The following BBS2 variants were observed in gnomAD, a reference collection of about 807,000 sequenced individuals.
The protein encoded by BBS2 is BBSome complex member BBS2.
BBS2 carries 62 observed loss-of-function variants against 83.0 expected under a neutral mutation model. The observed-to-expected ratio is 0.75, with a 90% CI of 0.61 to 0.92. The LOEUF is 0.92. Ranked by LOEUF, BBS2 falls within the 40% of genes least tolerant of loss-of-function variation. The pLI is 0.00. For missense variants in BBS2, 784 were observed against 901.0 expected (o/e 0.87, Z 1.66); for synonymous variants, 303 against 326.1 (o/e 0.93, Z 0.76).
intron 7 of BBS2, 21 bp from the exon 8 acceptor site, chr16:56,502,829 T>A (rs1376116547): frequency 1.2e-6 from 2 of 1,613,916 alleles, no homozygotes. Context: ...AACACAAATT[T>A]AAAAGTTGCT....
At chr16:56,476,085 C>T in intron 17 of BBS2, 4 of 1,613,822 alleles carry the variant, frequency 2.5e-6, no homozygotes, top group Non-Finnish European at 3.4e-6. Context: ...TGGCATTGGT[C>T]TACAGAGACA....
Position 56,474,810 on chromosome 16 carries a change from CT to C in BBS2, c.*1-4116del, listed in dbSNP as rs746791513. 19,387 of 1,113,974 alleles carry C rather than the reference CT, an allele frequency of 0.017. 13 individuals are homozygous for C. Among genetic ancestry groups the C allele is most frequent in the African/African-American group, 0.034 (2,117 of 62,032 alleles). The allele number at this position is 1,113,974 out of a possible 1,614,324, so 69.0% of individuals were successfully genotyped here. A position where few individuals can be genotyped will look rare whatever the true frequency, so the allele number is the denominator to read the frequency against. ...AAGGTTATTTTTTAAAGTTTCTCAT[CT>C]TTTTTTTTTTCCTTAGAATCAAGTG... On this transcript the variant is annotated intron_variant, in intron 17 of 17. Transcript: ENST00000682047.
downstream of BBS2, among the ~76,000 whole-genome samples, chr16:56,480,366 C>CAAAAAAAAAAAAAAAAAAAAA (rs1157907841): frequency 5.5e-5 from 5 of 90,258 alleles, no homozygotes; most frequent in African/African-American, 8.5e-5. Context: ...AAAAAAAAAA[C>CAAAAAAAAAAAAAAAAAAAAA]AAAAAAAAAA....
At chr16:56,505,457 G>C (rs1190827248) in intron 7 of BBS2, among the ~76,000 whole-genome samples, 1 of 152,184 alleles carries the variant, frequency 6.6e-6, no homozygotes, top group Non-Finnish European at 1.5e-5. Flanking sequence ...ATCCTGACTT[G>C]CCAAAAGACT....
chr16:56,494,778 C>T (rs959199286), intron 15 of BBS2, among the ~76,000 whole-genome samples: 1 of 151,886 alleles, frequency 6.6e-6, no homozygotes, highest in Non-Finnish European at 1.5e-5. Context: ...CTGGCTAACA[C>T]GGTGAAACCC....
intron 17 of BBS2, among the ~76,000 whole-genome samples, chr16:56,471,091 C>A (rs1456965211): frequency 6.6e-6 from 1 of 151,930 alleles, no homozygotes; most frequent in Non-Finnish European, 1.5e-5. Context: ...GTGGCTTACA[C>A]CTATAATCCC....
At chr16:56,475,048 C>A in intron 17 of BBS2, 1 of 1,308,070 alleles carries the variant, frequency 7.6e-7, no homozygotes, top group Non-Finnish European at 1.1e-6. Flanking sequence ...AAGTAATTTG[C>A]CTAGTTCAGA....
intron 1 of BBS2, among the ~76,000 whole-genome samples, chr16:56,515,845 C>G (rs958576197): frequency 6.6e-6 from 1 of 152,110 alleles, no homozygotes; most frequent in Non-Finnish European, 1.5e-5. Flanking sequence ...CATATGAGGT[C>G]GGAAGAGTTA....
rs1319914163 is a variant in BBS2 at position 56,502,741 on chromosome 16, C to T, written c.872G>A (p.Gly291Asp). ...FKDNFSSAIA[G>D]VVEGDYRMDG... ...CATCCGGTAATCTCCCTCTACCACA[C>T]CGGCAATTGCAGAAGAAAAATTGTC... Residue 291 changes from glycine (G) to aspartate (D), a missense_variant, in exon 8 of 17, where the codon GGT becomes GAT. Coordinates refer to ENST00000245157, the MANE Select transcript of BBS2 (RefSeq NM_031885.5). 1 of 1,614,206 alleles carries T rather than the reference C, an allele frequency of 6.2e-7. No individual in the cohort carries two copies.
chr16:56,502,694 A>C lies in BBS2; in HGVS notation c.919T>G (p.Cys307Gly), dbSNP rs1248832164. Residue 307 changes from cysteine to glycine, a missense_variant, in exon 8 of 17, where the codon TGC becomes GGC. Transcript: ENST00000245157. ...YRMDGHIQLI[C>G]CSVDGEIRGY... ...TTACTTTCCCCATCCACTGAGCAGC[A>C]GATTAACTGTATGTGGCCATCCATC... The C allele has an allele frequency of 6.2e-7, 1 of 1,614,082 alleles. No homozygotes were observed. The highest frequency in any genetic ancestry group is 8.5e-7 in the Non-Finnish European group (1 of 1,180,034).
intron 15 of BBS2, among the ~76,000 whole-genome samples, chr16:56,492,863 T>C (rs373930653): frequency 3.9e-5 from 6 of 152,272 alleles, no homozygotes; most frequent in East Asian, 3.9e-4. Context: ...ACTGCAGTAA[T>C]CCCATTTGTT....
chr16:56,475,671 ATC>A (rs1378574028), intron 17 of BBS2: 1 of 886,892 alleles, frequency 1.1e-6, no homozygotes, highest in African/African-American at 1.7e-5. Flanking sequence ...TAGCTAATAA[ATC>A]TCTGCCAGGC....
At position 56,500,020 on chromosome 16, in the gene BBS2, T is replaced by C. The variant is rs1964219289; in HGVS notation, c.1398-113A>G. 12 of 1,348,154 alleles carry C rather than the reference T, an allele frequency of 8.9e-6. No individual in the cohort carries two copies. In the South Asian group the frequency reaches 1.4e-4, roughly 16 times the overall value. 83.5% of individuals were successfully genotyped at this position (1,348,154 alleles called of 1,614,324 possible). On this transcript the variant is annotated intron_variant, in intron 11 of 16. Coordinates refer to ENST00000245157, the MANE Select transcript of BBS2 (RefSeq NM_031885.5). ...GGTCATCAATTGATATTTAAGGGTT[T>C]CACTTAAGAAGGAACCCCCAAAACA... is the stretch of plus-strand genomic sequence containing the variant.
At position 56,511,291 on chromosome 16, in the gene BBS2, A is replaced by C. The variant is rs1964570089; in HGVS notation, c.346-7T>G. 1 of 1,613,878 alleles carries C rather than the reference A, an allele frequency of 6.2e-7. No individual in the cohort carries two copies. The highest frequency in any genetic ancestry group is 2.2e-5 in the East Asian group (1 of 44,874). Reference sequence around the variant, plus strand: ...CATTTGCCCCATCTGCTACCTAAGAAAAGTAAAAGGACACATTATCTTAGA... The same window carrying C: ...CATTTGCCCCATCTGCTACCTAAGACAAGTAAAAGGACACATTATCTTAGA... On this transcript the variant is annotated splice_polypyrimidine_tract_variant and splice_region_variant and intron_variant, in intron 2 of 16. Coordinates refer to ENST00000245157, the MANE Select transcript of BBS2 (RefSeq NM_031885.5).
intron 17 of BBS2, among the ~76,000 whole-genome samples, chr16:56,471,482 A>C (rs756915578): frequency 1.3e-5 from 2 of 152,250 alleles, no homozygotes; most frequent in Non-Finnish European, 2.9e-5. Flanking sequence ...TAAGAATTTA[A>C]GAGGTAACAC....
At chr16:56,498,613 G>C in intron 12 of BBS2, 45 bp from the exon 13 acceptor site, 1 of 1,612,166 alleles carries the variant, frequency 6.2e-7, no homozygotes, top group Non-Finnish European at 8.5e-7. Context: ...TTAAGGTACA[G>C]ACGTTCTTTT....
rs747889980 is a variant in BBS2, at chr16:56,485,544, CA to C, written c.2059+45del. ...TACCACCATCTTCAATGAGTTCCAC[CA>C]AAAACATTACAGATCAAAGTGCAGT... On this transcript the variant is annotated intron_variant, in intron 16 of 16. Coordinates refer to ENST00000245157, the MANE Select transcript of BBS2 (RefSeq NM_031885.5). 15 of 1,610,426 alleles carry C rather than the reference CA, an allele frequency of 9.3e-6. No individual in the cohort carries two copies. In the Admixed American group the frequency reaches 2.3e-4, roughly 25 times the overall value.
intron 17 of BBS2, chr16:56,475,644 CCTT>C: frequency 2.6e-6 from 3 of 1,160,964 alleles, no homozygotes; most frequent in Non-Finnish European, 3.9e-6. Flanking sequence ...ATTTTTATGA[CCTT>C]CTACCAGTGT....
chr16:56,477,356 C>CCTA, intron 17 of BBS2: 1 of 152,214 alleles, frequency 6.6e-6, no homozygotes, highest in East Asian at 1.9e-4. Context: ...AAGGGTCTGG[C>CCTA]CTACCATCAC....
Sources: allele counts gnomAD v4.1 joint callset (sites outside exome capture counted in the v4.1 genomes callset), GRCh38; gene constraint gnomAD v4.1.1; transcripts MANE v1.5; gene names NCBI Gene and HGNC (gene_info 2026-07-23, HGNC 2026-07-21).